The following NTRK3 variants were observed in gnomAD, a reference collection of about 807,000 sequenced individuals.
NTRK3 encodes the protein NT-3 growth factor receptor.
NTRK3 carries 24 observed loss-of-function variants against 91.7 expected under a neutral mutation model. The observed-to-expected ratio is 0.26, with a 90% confidence interval of 0.19 to 0.37. The LOEUF is 0.37. Among genes scored for constraint, NTRK3 ranks in the 10% least tolerant of loss-of-function variants. The probability of loss-of-function intolerance (pLI) is 1.00; values close to 1 mark genes in which losing one functional copy is unlikely to be tolerated. For synonymous variants in NTRK3, 483 were observed against 404.0 expected, an observed-to-expected ratio of 1.20 and a Z score of -2.34; for missense variants, 880 against 1,068.9, an observed-to-expected ratio of 0.82 and a Z score of 2.46.
intron 14 of NTRK3, among the ~76,000 whole-genome samples, chr15:87,995,335 G>C (rs1351978516): frequency 6.6e-6 from 1 of 152,202 alleles, no homozygotes; most frequent in African/African-American, 2.4e-5. Flanking sequence ...TACAGGGAGA[G>C]TGCTAGGGCA....
chr15:87,968,458 A>G (rs1430629307), intron 14 of NTRK3, among the ~76,000 whole-genome samples: 3 of 152,124 alleles, frequency 2.0e-5, no homozygotes, highest in Admixed American at 6.5e-5. Flanking sequence ...GTACACGTTC[A>G]GAGTTTTATA....
At chr15:88,090,191 T>C (rs1324483260) in intron 13 of NTRK3, among the ~76,000 whole-genome samples, 1 of 152,200 alleles carries the variant, frequency 6.6e-6, no homozygotes, top group Non-Finnish European at 1.5e-5. Context: ...GTCTTCTCCA[T>C]CTTAGCACTT....
chr15:87,951,366 C>T (rs1367634556), intron 14 of NTRK3, among the ~76,000 whole-genome samples: 3 of 152,234 alleles, frequency 2.0e-5, no homozygotes, highest in African/African-American at 7.2e-5. Flanking sequence ...AACAACCTTG[C>T]TGCCTGACTA....
chr15:88,023,202 G>C (rs1329094905), intron 14 of NTRK3, among the ~76,000 whole-genome samples: 1 of 152,138 alleles, frequency 6.6e-6, no homozygotes, highest in African/African-American at 2.4e-5. Flanking sequence ...GTATACTAAA[G>C]TTCAAGCCCA....
chr15:87,920,659 G>T (rs1298239535), intron 17 of NTRK3, among the ~76,000 whole-genome samples: 2 of 152,182 alleles, frequency 1.3e-5, no homozygotes, highest in African/African-American at 4.8e-5. Flanking sequence ...GTTATAATTT[G>T]CTCACAAAAT....
chr15:88,068,170 G>A (rs1381406674), intron 13 of NTRK3, among the ~76,000 whole-genome samples: 2 of 152,182 alleles, frequency 1.3e-5, no homozygotes, highest in African/African-American at 2.4e-5. Flanking sequence ...AGTGGCTCAC[G>A]TCTGTTACCC....
chr15:87,901,279 G>C (rs911162057), intron 17 of NTRK3, among the ~76,000 whole-genome samples: 24 of 152,246 alleles, frequency 1.6e-4, no homozygotes, highest in Admixed American at 3.9e-4. Flanking sequence ...ATCACAGTTG[G>C]AGAGTTGTTA....
chr15:88,173,313 G>C (rs1470700189), intron 5 of NTRK3, among the ~76,000 whole-genome samples: 7 of 152,142 alleles, frequency 4.6e-5, no homozygotes. Flanking sequence ...ATCTACTCTG[G>C]CCCATATCCC....
At chr15:87,865,726 A>G (rs1051225638) in exon 19 of NTRK3, 16 of 224,686 alleles carry the variant, frequency 7.1e-5, no homozygotes, top group African/African-American at 3.6e-4. Flanking sequence ...AATTAAATGC[A>G]GCAGAAGATG....
chr15:88,082,355 T>G (rs377037164), intron 13 of NTRK3, among the ~76,000 whole-genome samples: 1 of 151,430 alleles, frequency 6.6e-6, no homozygotes, highest in Non-Finnish European at 1.5e-5. Flanking sequence ...AGAGAATGAA[T>G]TTTTTACTTT....
chr15:87,958,168 A>G (rs1167960380), intron 14 of NTRK3, among the ~76,000 whole-genome samples: 2 of 152,248 alleles, frequency 1.3e-5, no homozygotes, highest in Non-Finnish European at 2.9e-5. Flanking sequence ...AATACTGCAT[A>G]AAAGGCGTGT....
intron 16 of NTRK3, 46 bp from the exon 17 acceptor site, chr15:87,929,480 G>C (rs2068609058): frequency 2.5e-6 from 4 of 1,606,758 alleles, no homozygotes; most frequent in Non-Finnish European, 3.4e-6. Context: ...GAAATCAGGA[G>C]ATCAAGGAGA....
intron 14 of NTRK3, among the ~76,000 whole-genome samples, chr15:87,955,461 G>A (rs1042487095): frequency 5.9e-5 from 9 of 152,238 alleles, no homozygotes; most frequent in African/African-American, 1.9e-4. Context: ...AGGGAACCTG[G>A]AGGGCAGCCG....
chr15:87,928,986 A>G, intron 17 of NTRK3: 1 of 656,478 alleles, frequency 1.5e-6, no homozygotes, highest in Non-Finnish European at 2.6e-6. Flanking sequence ...ATGTCCAAGA[A>G]GAAAGAAGGA....
At chr15:88,184,085 C>A in intron 4 of NTRK3, 140 bp downstream of exon 4, 3 of 811,638 alleles carry the variant, frequency 3.7e-6, no homozygotes, top group Non-Finnish European at 6.2e-6. Flanking sequence ...GTGCATATTG[C>A]CAACTCTACC....
At chr15:88,225,517 G>A (rs2141639803) in intron 3 of NTRK3, among the ~76,000 whole-genome samples, 1 of 152,304 alleles carries the variant, frequency 6.6e-6, no homozygotes, top group African/African-American at 2.4e-5. Flanking sequence ...GATGAATGAA[G>A]TGGGAGGATG....
At chr15:87,933,157 G>A (rs374759890) in exon 16 of NTRK3, 32 of 1,614,016 alleles carry the variant, frequency 2.0e-5, no homozygotes, top group Non-Finnish European at 2.5e-5. Context: ...AAATCCTTCC[G>A]GGCAGCCAGG....
exon 19 of NTRK3, chr15:87,872,535 T>G (rs959748999): frequency 8.8e-6 from 2 of 228,558 alleles, no homozygotes; most frequent in Non-Finnish European, 1.7e-5. Flanking sequence ...TTGGAATAGT[T>G]TCTGCCAAGT....
chr15:87,900,785 C>T (rs980247936), intron 17 of NTRK3, among the ~76,000 whole-genome samples: 1 of 151,340 alleles, frequency 6.6e-6, no homozygotes, highest in Non-Finnish European at 1.5e-5. Context: ...CACGGCCCTG[C>T]CTTAGTTTGC....
Sources: gnomAD v4.1 joint callset for allele counts (sites outside exome capture counted in the v4.1 genomes callset) on GRCh38, gnomAD v4.1.1 for gene constraint, MANE v1.5 for transcripts, NCBI Gene and HGNC (gene_info 2026-07-23, HGNC 2026-07-21) for gene names.